The following CDH18 variants were observed in gnomAD, a reference collection of about 807,000 sequenced individuals.
The protein encoded by CDH18 is cadherin 18.
In CDH18, 31 loss-of-function variants were observed where a neutral mutation model predicts 67.9. The observed-to-expected ratio is 0.46, with a 90% CI of 0.34 to 0.62. The LOEUF is 0.62. Among genes scored for constraint, CDH18 ranks in the 20% least tolerant of loss-of-function variants. The probability of loss-of-function intolerance (pLI) is 0.01; values close to 1 mark genes in which losing one functional copy is unlikely to be tolerated. For synonymous variants in CDH18, 362 were observed against 347.2 expected, an observed-to-expected ratio of 1.04 and a Z score of -0.48; for missense variants, 890 against 975.5, an observed-to-expected ratio of 0.91 and a Z score of 1.17.
intron 6 of CDH18, among the ~76,000 whole-genome samples, chr5:19,610,726 C>A (rs969345880): frequency 6.6e-6 from 1 of 151,770 alleles, no homozygotes; most frequent in Non-Finnish European, 1.5e-5. Flanking sequence ...TTATCTTCAA[C>A]TTCAATTGTA....
chr5:20,208,956 C>T (rs557970333), intron 2 of CDH18, among the ~76,000 whole-genome samples: 30 of 152,116 alleles, frequency 2.0e-4, no homozygotes, highest in South Asian at 8.3e-4. Flanking sequence ...ATAGATATTT[C>T]GCAAAAGAAG....
intron 2 of CDH18, among the ~76,000 whole-genome samples, chr5:19,939,445 T>C (rs138462662): frequency 0.013 from 1,929 of 151,722 alleles, 25 homozygotes; most frequent in Non-Finnish European, 0.019. Flanking sequence ...ATGTCTATTT[T>C]TGAAATTATA....
intron 4 of CDH18, among the ~76,000 whole-genome samples, chr5:19,724,115 A>T (rs1373397524): frequency 1.3e-5 from 2 of 152,194 alleles, no homozygotes; most frequent in Non-Finnish European, 2.9e-5. Flanking sequence ...AACCATCCTG[A>T]TGTCCTTCAA....
At chr5:19,574,264 T>C (rs1254826593) in intron 7 of CDH18, among the ~76,000 whole-genome samples, 1 of 152,196 alleles carries the variant, frequency 6.6e-6, no homozygotes, top group Non-Finnish European at 1.5e-5. Flanking sequence ...TCTGTGGACA[T>C]ATGGTTTCAG....
chr5:19,587,817 C>T (rs1019853156), intron 7 of CDH18, among the ~76,000 whole-genome samples: 2 of 151,884 alleles, frequency 1.3e-5, no homozygotes, highest in South Asian at 2.1e-4. Flanking sequence ...TTTTCTAATT[C>T]TCTGAAGAAT....
intron 1 of CDH18, among the ~76,000 whole-genome samples, chr5:20,346,674 G>C (rs1740726812): frequency 6.6e-6 from 1 of 152,074 alleles, no homozygotes; most frequent in African/African-American, 2.4e-5. Context: ...TTACAAATAT[G>C]CCAGTATCTA....
rs184246414 is a variant in CDH18 at position 19,656,229 on chromosome 5, G to A, written c.644-43628C>T. ...AGTATTTTAACTGGAATGACTGCCA[G>A]GATATCATATTCAATTTGATTTTAC... On this transcript the variant is annotated intron_variant, in intron 5 of 12. Coordinates refer to ENST00000382275, the MANE Select transcript of CDH18 (RefSeq NM_004934.5). Among the ~76,000 whole-genome samples the A allele has an allele frequency of 8.8e-3, 1,336 of 151,968 alleles. 12 individuals are homozygous for A. Among genetic ancestry groups the A allele is most frequent in the South Asian group, 0.018 (85 of 4,820 alleles).
chr5:20,432,722 A>G (rs947544879), intron 1 of CDH18, among the ~76,000 whole-genome samples: 4 of 151,888 alleles, frequency 2.6e-5, no homozygotes, highest in Non-Finnish European at 5.9e-5. Context: ...GTCATATTGA[A>G]TTACAGCCTG....
At chr5:19,721,575 G>T in intron 4 of CDH18, 109 bp from the exon 5 acceptor site, 1 of 845,710 alleles carries the variant, frequency 1.2e-6, no homozygotes. Flanking sequence ...AGTACTGGTT[G>T]TGTCCTAGTA....
chr5:19,892,533 A>G (rs1221454082), intron 2 of CDH18, among the ~76,000 whole-genome samples: 1 of 152,054 alleles, frequency 6.6e-6, no homozygotes, highest in Non-Finnish European at 1.5e-5. Flanking sequence ...CCTCATGTGC[A>G]TTTCCTCCTG....
At chr5:20,133,028 G>A (rs901623886) in intron 2 of CDH18, among the ~76,000 whole-genome samples, 2 of 151,912 alleles carry the variant, frequency 1.3e-5, no homozygotes, top group African/African-American at 4.8e-5. Context: ...TCTCTTCTTC[G>A]AGGCAAAGTT....
chr5:20,499,518 A>T (rs758325307), intron 1 of CDH18, among the ~76,000 whole-genome samples: 4 of 152,088 alleles, frequency 2.6e-5, no homozygotes, highest in Non-Finnish European at 5.9e-5. Flanking sequence ...TCACAATTCC[A>T]ACTAATCCAA....
chr5:19,558,092 C>G (rs1738767348), intron 8 of CDH18, among the ~76,000 whole-genome samples: 1 of 151,874 alleles, frequency 6.6e-6, no homozygotes, highest in African/African-American at 2.4e-5. Context: ...ATTTTTTGAA[C>G]TGAATGACAA....
intron 6 of CDH18, among the ~76,000 whole-genome samples, chr5:19,605,407 GAAAAT>G (rs1248707099): frequency 2.6e-5 from 4 of 151,636 alleles, no homozygotes; most frequent in African/African-American, 9.7e-5. Context: ...AAGGCTAAAT[GAAAAT>G]AAAATAATAA....
chr5:19,588,788 C>A (rs773172402), intron 7 of CDH18, among the ~76,000 whole-genome samples: 4 of 151,672 alleles, frequency 2.6e-5, no homozygotes, highest in East Asian at 1.9e-4. Context: ...CAAAAAAGAT[C>A]GAAAAAGACA....
intron 2 of CDH18, among the ~76,000 whole-genome samples, chr5:20,026,727 G>A (rs566940833): frequency 1.2e-4 from 18 of 152,138 alleles, no homozygotes; most frequent in Non-Finnish European, 2.4e-4. Context: ...TTTAGGCCAA[G>A]GCGGGTGGAT....
At position 19,906,542 on chromosome 5, in the gene CDH18, G is replaced by C. The variant is rs549666634; in HGVS notation, c.-256-67300C>G. Among the ~76,000 whole-genome samples, 4 of 151,780 alleles carry C rather than the reference G, an allele frequency of 2.6e-5. No individual in the cohort carries two copies. The South Asian group carries it at 8.3e-4, about 32-fold the overall frequency. ...TTCTACACCTTGATAACATACTATT[G>C]TAACCCTTTCTTCTTGGCTTCTTCT... On this transcript the variant is annotated intron_variant, in intron 2 of 12. Coordinates refer to ENST00000382275, the MANE Select transcript of CDH18 (RefSeq NM_004934.5).
chr5:20,029,616 G>T (rs557512327), intron 2 of CDH18, among the ~76,000 whole-genome samples: 16 of 152,258 alleles, frequency 1.1e-4, no homozygotes, highest in African/African-American at 3.9e-4. Context: ...TTATTTATTG[G>T]AAAATGATTA....
intron 1 of CDH18, among the ~76,000 whole-genome samples, chr5:20,397,028 T>C (rs2150123937): frequency 6.6e-6 from 1 of 152,322 alleles, no homozygotes; most frequent in South Asian, 2.1e-4. Flanking sequence ...CAAGTTTAGA[T>C]TATTTTTCAG....
Sources: allele counts gnomAD v4.1 joint callset (sites outside exome capture counted in the v4.1 genomes callset), GRCh38; gene constraint gnomAD v4.1.1; transcripts MANE v1.5; gene names NCBI Gene and HGNC (gene_info 2026-07-23, HGNC 2026-07-21).